Variants in LRRC37B observed in about 807,000 individuals in gnomAD.
LRRC37B encodes the protein leucine-rich repeat-containing protein 37B.
Under a neutral mutation model 98.3 loss-of-function variants are expected in LRRC37B, and 28 were observed. The observed-to-expected ratio is 0.28, with a 90% CI of 0.21 to 0.39. The LOEUF (loss-of-function observed/expected upper bound fraction) is 0.39. Ranked by LOEUF, LRRC37B falls within the 10% of genes least tolerant of loss-of-function variation. LRRC37B has a pLI of 1.00. For missense variants in LRRC37B, 938 were observed against 1,182.7 expected, an observed-to-expected ratio of 0.79 and a Z score of 3.03; for synonymous variants, 364 against 442.7, an observed-to-expected ratio of 0.82 and a Z score of 2.23.
intron 2 of LRRC37B, among the ~76,000 whole-genome samples, chr17:32,027,449 CTGTG>C (rs4038012): frequency 1.2e-4 from 7 of 59,270 alleles, no homozygotes; most frequent in African/African-American, 2.8e-4. Context: ...GTGTGCTTGC[CTGTG>C]TGTGTGTGTG....
At position 32,027,440 on chromosome 17, in the gene LRRC37B, TG is replaced by T. The variant is rs1199312841; in HGVS notation, c.1833-328del. On this transcript the variant is annotated intron_variant, in intron 2 of 11. Coordinates refer to ENST00000327564, the Ensembl canonical transcript of LRRC37B. ...GTGTGTGCGTGCTTGCCTGTGTGTG[TG>T]TGCTTGCCTGTGTGTGTGTGTGCTT... is the stretch of plus-strand genomic sequence containing the variant. Among the ~76,000 whole-genome samples, 414 of 136,296 alleles carry T rather than the reference TG, an allele frequency of 3.0e-3. 9 individuals are homozygous for T. Among genetic ancestry groups the T allele is most frequent in the African/African-American group, 0.014 (397 of 28,050 alleles). The allele number at this position is 136,296 out of a possible 152,430, so 89.4% of individuals were successfully genotyped here.
rs752727279 is a variant in LRRC37B, at chr17:32,049,981, CTT to C, written c.2758-13_2758-12del. The C allele has an allele frequency of 4.0e-6, 5 of 1,237,928 alleles. No homozygotes were observed. The highest frequency in any genetic ancestry group is 2.5e-5 in the Admixed American group (1 of 40,116). 76.7% of individuals were successfully genotyped at this position (1,237,928 alleles called of 1,614,324 possible). The stretch of plus-strand genomic sequence containing the variant: ...TTTTTTTAATTGTTCTTTCTTTTTT[CTT>C]TTTTTTTTCTTTTTTTTAGCTCATG... On this transcript the variant is annotated intron_variant, in intron 10 of 11. Coordinates refer to ENST00000327564, the Ensembl canonical transcript of LRRC37B.
intron 7 of LRRC37B, among the ~76,000 whole-genome samples, chr17:32,044,223 C>G (rs1414381217): frequency 6.6e-6 from 1 of 151,798 alleles, no homozygotes; most frequent in Non-Finnish European, 1.5e-5. Flanking sequence ...AATCAATTAT[C>G]TTGGTTATCT....
At chr17:32,049,913 C>A (rs1843083) in intron 10 of LRRC37B, 90 bp from the exon 14 acceptor site, 103,937 of 700,234 alleles carry the variant, frequency 0.15, 9,576 homozygotes, top group African/African-American at 0.35. Flanking sequence ...ACTCAACTGG[C>A]ATACTGGGGT....
At chr17:32,007,395 G>C (rs1464521619), upstream of LRRC37B, among the ~76,000 whole-genome samples, 1 of 152,166 alleles carries the variant, frequency 6.6e-6, no homozygotes, top group Non-Finnish European at 1.5e-5. The surrounding 1 kb of genome is among the most constrained non-coding windows in gnomAD (Gnocchi z 4.1). Flanking sequence ...CCGCGCTCCT[G>C]TAGAGGGAAG....
chr17:32,045,098 T>C (rs2627088), intron 7 of LRRC37B, among the ~76,000 whole-genome samples: 342 of 146,990 alleles, frequency 2.3e-3, no homozygotes, highest in African/African-American at 7.8e-3. Flanking sequence ...TTATTAGCTA[T>C]CATTATTTCA....
At chr17:32,021,096 C>T in exon 1 of LRRC37B, 1 of 1,613,978 alleles carries the variant, frequency 6.2e-7, no homozygotes, top group Non-Finnish European at 8.5e-7. Flanking sequence ...GCATGAGCAT[C>T]TCAGGGCTGC....
At position 32,039,496 on chromosome 17, in the gene LRRC37B, ATATATATATATATATATATATATATATG is replaced by A. The variant is rs1229906959; in HGVS notation, c.2204+3861_2204+3888del. Among the ~76,000 whole-genome samples the A allele has an allele frequency of 1.7e-3, 65 of 38,844 alleles. 3 individuals are homozygous for A. The highest frequency in any genetic ancestry group is 3.5e-3 in the African/African-American group (27 of 7,736). The allele number at this position is 38,844 out of a possible 152,430, so 25.5% of individuals were successfully genotyped here. A position where few individuals can be genotyped will look rare whatever the true frequency, so the allele number is the denominator to read the frequency against. On this transcript the variant is annotated intron_variant, in intron 7 of 11. Coordinates refer to ENST00000327564, the Ensembl canonical transcript of LRRC37B. Reference sequence around the variant, plus strand: ...TGCCTAAAAATATATATATATATATATATATATATATATATATATATATATATGTATGTATTTTTATATATATTTCTAT... The same window carrying A: ...TGCCTAAAAATATATATATATATATATATGTATTTTTATATATATTTCTAT...
At chr17:32,027,449 C>A (rs899572059) in intron 2 of LRRC37B, among the ~76,000 whole-genome samples, 3 of 59,274 alleles carry the variant, frequency 5.1e-5, no homozygotes, top group African/African-American at 1.9e-4. Flanking sequence ...GTGTGCTTGC[C>A]TGTGTGTGTG....
In LRRC37B at chr17:32,024,578, T is replaced by G. The variant is rs2142243368; in HGVS notation, c.1761-133T>G. On this transcript the variant is annotated intron_variant, in intron 1 of 11. Coordinates refer to ENST00000327564, the Ensembl canonical transcript of LRRC37B. The stretch of plus-strand genomic sequence containing the variant: ...TGAAGTGTGCAAACTGGGAAGCTGA[T>G]AGCTCTGGAAATGAGAAAGCAGGTG... 8 of 1,497,834 alleles carry G rather than the reference T, an allele frequency of 5.3e-6. No homozygotes were observed. In the South Asian group the frequency reaches 9.2e-5, roughly 17 times the overall value. The allele number at this position is 1,497,834 out of a possible 1,614,324, so 92.8% of individuals were successfully genotyped here.
intron 5 of LRRC37B, among the ~76,000 whole-genome samples, chr17:32,033,184 G>C (rs1289776075): frequency 6.6e-6 from 1 of 152,032 alleles, no homozygotes; most frequent in Non-Finnish European, 1.5e-5. Flanking sequence ...TTACTACGTT[G>C]GTCAGGCTGG....
intron 5 of LRRC37B, among the ~76,000 whole-genome samples, chr17:32,033,179 A>G (rs1017009815): frequency 6.6e-6 from 1 of 151,988 alleles, no homozygotes; most frequent in Admixed American, 6.6e-5. Flanking sequence ...GGGTTTTACT[A>G]CGTTGGTCAG....
At chr17:32,039,573 C>A (rs1244624381) in intron 7 of LRRC37B, among the ~76,000 whole-genome samples, 4 of 99,266 alleles carry the variant, frequency 4.0e-5, no homozygotes, top group African/African-American at 1.2e-4. Flanking sequence ...ATATATATTT[C>A]TATATATATT....
At chr17:32,038,785 G>A (rs1911322884) in intron 7 of LRRC37B, among the ~76,000 whole-genome samples, 1 of 152,148 alleles carries the variant, frequency 6.6e-6, no homozygotes, top group Admixed American at 6.5e-5. Context: ...TTGAACCTGG[G>A]AGGTGGAGGT....
chr17:32,020,114 G>A (rs934794539), upstream of LRRC37B, among the ~76,000 whole-genome samples: 1 of 152,170 alleles, frequency 6.6e-6, no homozygotes, highest in African/African-American at 2.4e-5. Flanking sequence ...AGAGTTCTGG[G>A]ATTATGGGTG....
chr17:32,019,326 C>A (rs1188802175), upstream of LRRC37B, among the ~76,000 whole-genome samples: 1 of 152,182 alleles, frequency 6.6e-6, no homozygotes, highest in Non-Finnish European at 1.5e-5. Flanking sequence ...ATATTCAGTA[C>A]AGTAACATAC....
At chr17:32,023,224 T>C (rs1039008102) in intron 1 of LRRC37B, among the ~76,000 whole-genome samples, 36 of 151,050 alleles carry the variant, frequency 2.4e-4, no homozygotes, top group African/African-American at 8.0e-4. Context: ...CGGGTTCAAG[T>C]GATTCTCCTG....
At chr17:32,040,287 G>T (rs921656554) in intron 7 of LRRC37B, 2 of 319,378 alleles carry the variant, frequency 6.3e-6, no homozygotes, top group African/African-American at 4.3e-5. Context: ...GATTGAAGGA[G>T]ACTAAAGAAT....
intron 5 of LRRC37B, among the ~76,000 whole-genome samples, chr17:32,032,338 G>C (rs1051504893): frequency 3.3e-5 from 5 of 151,912 alleles, no homozygotes; most frequent in Non-Finnish European, 5.9e-5. Flanking sequence ...CACCATGCCT[G>C]GCCAAAATGG....
Sources: allele counts gnomAD v4.1 joint callset (sites outside exome capture counted in the v4.1 genomes callset), GRCh38; gene constraint gnomAD v4.1.1; non-coding constraint Gnocchi (gnomAD v3.1); transcripts MANE v1.5; gene names NCBI Gene and HGNC (gene_info 2026-07-23, HGNC 2026-07-21).